The following SLC29A3 variants were observed in gnomAD, a reference collection of about 807,000 sequenced individuals.
SLC29A3 encodes the protein solute carrier family 29 member 3.
In SLC29A3, 18 loss-of-function variants were observed where a neutral mutation model predicts 25.4. The ratio of observed to expected loss-of-function variants is 0.71; its 90% CI spans 0.49 to 1.05. SLC29A3 has a LOEUF of 1.05. Among genes scored for constraint, SLC29A3 ranks in the 50% least tolerant of loss-of-function variants. SLC29A3 has a pLI of 0.00. For synonymous variants in SLC29A3, 258 were observed against 267.1 expected (o/e 0.97, Z 0.33); for missense variants, 586 against 609.0 (o/e 0.96, Z 0.40).
rs1846160692 is a variant in SLC29A3, at chr10:71,333,162, G to A, written c.300+10108G>A. 2.0e-5 allele frequency among the ~76,000 whole-genome samples: 3 copies of A among 152,344 alleles called. No homozygotes were observed. In the South Asian group the frequency reaches 6.2e-4, roughly 32 times the overall value. On this transcript the variant is annotated intron_variant, in intron 2 of 5. Transcript: ENST00000373189. The stretch of plus-strand genomic sequence containing the variant: ...ATTAGAGTCTCCACCAAGGAGCCCA[G>A]CGCTTTTGACACAGGCAGGCAGCCT...
intron 2 of SLC29A3, among the ~76,000 whole-genome samples, chr10:71,336,646 A>G (rs1232731739): frequency 6.6e-6 from 1 of 151,644 alleles, no homozygotes; most frequent in Non-Finnish European, 1.5e-5. Context: ...AGCAGCAGTG[A>G]GGGAAAGAGA....
At chr10:71,351,490 G>A in intron 3 of SLC29A3, 72 bp from the exon 4 acceptor site, 5 of 1,385,088 alleles carry the variant, frequency 3.6e-6, no homozygotes, top group Non-Finnish European at 5.1e-6. Context: ...TTCCCTTAAG[G>A]TGGCTCACCA....
chr10:71,337,339 G>GAT (rs1274154932), intron 2 of SLC29A3, among the ~76,000 whole-genome samples: 1 of 152,250 alleles, frequency 6.6e-6, no homozygotes, highest in Non-Finnish European at 1.5e-5. Flanking sequence ...CTGATGCCCA[G>GAT]GGCAAGGGCA....
At chr10:71,377,436 TG>T (rs1339605983) in intron 4 of SLC29A3, among the ~76,000 whole-genome samples, 1 of 152,228 alleles carries the variant, frequency 6.6e-6, no homozygotes. Context: ...CCGCCCCCGC[TG>T]GCCTCTGGCA....
chr10:71,374,269 T>C (rs1404011598), intron 3 of SLC29A3, among the ~76,000 whole-genome samples: 1 of 152,202 alleles, frequency 6.6e-6, no homozygotes, highest in South Asian at 2.1e-4. Context: ...TTAGGATATA[T>C]AGCCAGGATT....
intron 3 of SLC29A3, among the ~76,000 whole-genome samples, chr10:71,348,124 C>G (rs2131834328): frequency 6.6e-6 from 1 of 152,358 alleles, no homozygotes; most frequent in Non-Finnish European, 1.5e-5. Context: ...CCCCCGGGTG[C>G]TACTGATCTC....
chr10:71,341,407 G>T (rs1846406426), intron 2 of SLC29A3, among the ~76,000 whole-genome samples: 1 of 152,204 alleles, frequency 6.6e-6, no homozygotes, highest in African/African-American at 2.4e-5. Flanking sequence ...TTTCAGCAGA[G>T]GGTTTGGTGG....
At chr10:71,325,136 CA>C in intron 2 of SLC29A3, among the ~76,000 whole-genome samples, 1 of 152,288 alleles carries the variant, frequency 6.6e-6, no homozygotes, top group East Asian at 1.9e-4. Context: ...CCGCACCTTC[CA>C]GTGGCCCAGG....
intron 2 of SLC29A3, among the ~76,000 whole-genome samples, chr10:71,338,511 A>C (rs1168701104): frequency 1.3e-5 from 2 of 152,092 alleles, no homozygotes; most frequent in Non-Finnish European, 2.9e-5. Context: ...TAATCCCAAC[A>C]CTTTGGGAGG....
At chr10:71,337,618 C>T (rs547998587) in intron 2 of SLC29A3, among the ~76,000 whole-genome samples, 1 of 152,342 alleles carries the variant, frequency 6.6e-6, no homozygotes, top group East Asian at 1.9e-4. Context: ...GCAGCACGGA[C>T]ACTGAGTCTG....
intron 4 of SLC29A3, among the ~76,000 whole-genome samples, chr10:71,376,133 T>C (rs975825360): frequency 1.3e-5 from 2 of 152,218 alleles, no homozygotes; most frequent in Non-Finnish European, 2.9e-5. Context: ...GGAAACAAAC[T>C]CCAGATTGTT....
chr10:71,367,771 G>T (rs1460770917), downstream of SLC29A3, among the ~76,000 whole-genome samples: 1 of 152,232 alleles, frequency 6.6e-6, no homozygotes, highest in African/African-American at 2.4e-5. Context: ...CAGTTCCGGT[G>T]CTTGACTGGA....
At chr10:71,338,744 G>A (rs1477173068) in intron 2 of SLC29A3, among the ~76,000 whole-genome samples, 5 of 152,116 alleles carry the variant, frequency 3.3e-5, no homozygotes, top group East Asian at 3.9e-4. Flanking sequence ...GCGACAGAGC[G>A]AGACTCTGTC....
intron 2 of SLC29A3, among the ~76,000 whole-genome samples, chr10:71,332,734 C>G (rs1846149833): frequency 1.3e-5 from 2 of 152,182 alleles, no homozygotes; most frequent in African/African-American, 4.8e-5. Flanking sequence ...CCTTGTCCAC[C>G]CTCTGATTCT....
chr10:71,340,681 G>C (rs1846379707), intron 2 of SLC29A3, among the ~76,000 whole-genome samples: 1 of 152,210 alleles, frequency 6.6e-6, no homozygotes, highest in Non-Finnish European at 1.5e-5. Context: ...AGTGAGTTTG[G>C]AGCTGTATTC....
intron 5 of SLC29A3, 42 bp from the exon 6 acceptor site, chr10:71,361,912 C>A (rs1187132393): frequency 1.2e-6 from 2 of 1,611,210 alleles, no homozygotes; most frequent in South Asian, 2.2e-5. Context: ...GACTCAGATC[C>A]CAAGCAACCT....
intron 4 of SLC29A3, among the ~76,000 whole-genome samples, chr10:71,376,683 C>T (rs1847254180): frequency 6.6e-6 from 1 of 152,124 alleles, no homozygotes. Context: ...AGGATGGCCA[C>T]CCAGGAGCAT....
At chr10:71,339,090 A>C (rs541792290) in intron 2 of SLC29A3, among the ~76,000 whole-genome samples, 1 of 152,174 alleles carries the variant, frequency 6.6e-6, no homozygotes, top group Non-Finnish European at 1.5e-5. Flanking sequence ...AGCACTCCCA[A>C]TGTGGACCTC....
At chr10:71,380,909 T>G (rs6480515) in exon 5 of SLC29A3, 1 of 152,142 alleles carries the variant, frequency 6.6e-6, no homozygotes, top group South Asian at 2.1e-4. Flanking sequence ...ATGAAAAGTT[T>G]CCAACATTTA....
Sources: allele counts gnomAD v4.1 joint callset (sites outside exome capture counted in the v4.1 genomes callset), GRCh38; gene constraint gnomAD v4.1.1; transcripts MANE v1.5; gene names NCBI Gene and HGNC (gene_info 2026-07-23, HGNC 2026-07-21).